DRC4: variants seen among roughly 807,000 people sequenced by gnomAD.
DRC4 encodes GAS-11.
At chr16:90,036,584 A>G in the DRC4 span, 1 of 1,572,120 alleles carries the variant, frequency 6.4e-7, no homozygotes, top group African/African-American at 1.4e-5. Context: ...CAACTCCCTC[A>G]AGGTGCTGTG....
At chr16:90,022,731 A>AG in the DRC4 span, 2 of 1,403,382 alleles carry the variant, frequency 1.4e-6, no homozygotes, top group Non-Finnish European at 1.9e-6. Flanking sequence ...CATGGTGAGC[A>AG]GGGGCGGGAG....
chr16:90,022,530 A>T, the DRC4 span: 1 of 519,948 alleles, frequency 1.9e-6, no homozygotes, highest in Non-Finnish European at 3.2e-6. Context: ...CCCAACGTTC[A>T]CAACCGGGTT....
chr16:90,019,769 G>A, the DRC4 span: 1 of 691,826 alleles, frequency 1.4e-6, no homozygotes, highest in African/African-American at 1.8e-5. The surrounding 1 kb of genome is among the most constrained non-coding windows in gnomAD (Gnocchi z 6.1). Context: ...TCTCTTCCAG[G>A]TACTTGCGTG....
At chr16:90,031,403 C>G in the DRC4 span, 1 of 1,613,834 alleles carries the variant, frequency 6.2e-7, no homozygotes, top group Non-Finnish European at 8.5e-7. Context: ...TCTGGGAGAT[C>G]ACACGGAGGC....
chr16:90,022,717 G>A, the DRC4 span: 2 of 1,419,456 alleles, frequency 1.4e-6, no homozygotes, highest in Non-Finnish European at 1.9e-6. Context: ...CTGTCCGCTG[G>A]CGTCATGGTG....
the DRC4 span, among the ~76,000 whole-genome samples, chr16:90,039,075 TG>T: frequency 6.6e-6 from 1 of 152,244 alleles, no homozygotes; most frequent in Non-Finnish European, 1.5e-5. Context: ...CGACGTGCAT[TG>T]CTAGGCTGTG....
the DRC4 span, among the ~76,000 whole-genome samples, chr16:90,038,466 C>T: frequency 3.9e-5 from 6 of 152,202 alleles, no homozygotes; most frequent in Non-Finnish European, 8.8e-5. Context: ...AGCCGACTCC[C>T]GTCTGTTTCT....
chr16:90,029,059 G>A, the DRC4 span: 1 of 1,229,052 alleles, frequency 8.1e-7, no homozygotes, highest in African/African-American at 1.7e-5. Context: ...CGTTGTCCCA[G>A]CATGTGAGCT....
the DRC4 span, among the ~76,000 whole-genome samples, chr16:90,025,943 A>T: frequency 1.9e-4 from 29 of 152,144 alleles, no homozygotes; most frequent in African/African-American, 6.3e-4. Flanking sequence ...TTCCACATGA[A>T]ATTTGTAATT....
At chr16:90,035,028 C>G in the DRC4 span, among the ~76,000 whole-genome samples, 4 of 150,774 alleles carry the variant, frequency 2.7e-5, no homozygotes, top group Admixed American at 2.7e-4. Context: ...CTCAGCCTCT[C>G]GACTAGCTGG....
At chr16:90,036,099 C>T in the DRC4 span, 1 of 583,204 alleles carries the variant, frequency 1.7e-6, no homozygotes. Flanking sequence ...TTACTGCTCA[C>T]TGGGGTCAGC....
chr16:90,023,277 G>C, the DRC4 span, among the ~76,000 whole-genome samples: 1 of 152,204 alleles, frequency 6.6e-6, no homozygotes, highest in Non-Finnish European at 1.5e-5. Flanking sequence ...ACAACCTTGG[G>C]ATACAGGAAC....
At chr16:90,028,340 A>G in the DRC4 span, among the ~76,000 whole-genome samples, 1 of 151,282 alleles carries the variant, frequency 6.6e-6, no homozygotes, top group Non-Finnish European at 1.5e-5. Context: ...ACCTGCCACC[A>G]CGCCTGGCTA....
At chr16:90,024,324 C>T in the DRC4 span, among the ~76,000 whole-genome samples, 2 of 151,966 alleles carry the variant, frequency 1.3e-5, no homozygotes, top group Admixed American at 6.6e-5. Flanking sequence ...TTAGGTGCAC[C>T]GGCCCAGTCA....
the DRC4 span, among the ~76,000 whole-genome samples, chr16:90,020,333 G>GA: frequency 1.3e-5 from 2 of 151,632 alleles, no homozygotes; most frequent in Non-Finnish European, 1.5e-5. Flanking sequence ...GAAAAGAAAA[G>GA]AAAAAGTCTA....
the DRC4 span, chr16:90,032,831 GGA>G: frequency 6.2e-7 from 1 of 1,613,976 alleles, no homozygotes; most frequent in East Asian, 2.2e-5. Flanking sequence ...ACCGCATACA[GGA>G]GAGTGTGCTG....
the DRC4 span, chr16:90,037,659 C>T: frequency 8.4e-7 from 1 of 1,186,220 alleles, no homozygotes; most frequent in South Asian, 1.3e-5. Context: ...CCAGGTCTTT[C>T]TGGCGATTAT....
the DRC4 span, chr16:90,040,354 G>T: frequency 6.2e-7 from 1 of 1,607,074 alleles, no homozygotes; most frequent in Non-Finnish European, 8.5e-7. Context: ...CATCCAGGAG[G>T]TGCAGCAGAA....
At chr16:90,024,778 C>G in the DRC4 span, among the ~76,000 whole-genome samples, 1 of 151,878 alleles carries the variant, frequency 6.6e-6, no homozygotes, top group Non-Finnish European at 1.5e-5. Context: ...TGCACTCCAG[C>G]CTGGGTGACA....
Sources: allele counts gnomAD v4.1 joint callset (sites outside exome capture counted in the v4.1 genomes callset), GRCh38; gene constraint gnomAD v4.1.1; non-coding constraint Gnocchi (gnomAD v3.1); transcripts MANE v1.5; gene names NCBI Gene and HGNC (gene_info 2026-07-23, HGNC 2026-07-21).